XIRP2: variants seen among roughly 807,000 people sequenced by gnomAD.
XIRP2 encodes xin actin-binding repeat-containing protein 2.
Under a neutral mutation model 277.0 loss-of-function variants are expected in XIRP2, and 236 were observed. The ratio of observed to expected loss-of-function variants is 0.85; its 90% CI spans 0.77 to 0.95. The LOEUF (loss-of-function observed/expected upper bound fraction) is 0.95. XIRP2 is among the 40% of genes least tolerant of loss of function. The pLI is 0.00. For synonymous variants in XIRP2, 1,490 were observed against 1,416.5 expected (o/e 1.05, Z -1.17); for missense variants, 4,640 against 4,157.5 (o/e 1.12, Z -3.19).
chr2:167,025,666 A>G (rs534207675), intron 2 of XIRP2, among the ~76,000 whole-genome samples: 4,658 of 151,896 alleles, frequency 0.031, 82 homozygotes, highest in East Asian at 0.081. Context: ...CTTTGTTCTC[A>G]TTGGTTTCAA....
chr2:167,036,106 C>A (rs186676137), intron 2 of XIRP2, among the ~76,000 whole-genome samples: 3 of 152,316 alleles, frequency 2.0e-5, no homozygotes, highest in African/African-American at 7.2e-5. Flanking sequence ...GAGGCAGCGC[C>A]CTCATGGAGA....
intron 1 of XIRP2, among the ~76,000 whole-genome samples, chr2:166,893,469 T>C (rs1206954390): frequency 2.0e-5 from 3 of 152,174 alleles, no homozygotes; most frequent in Non-Finnish European, 2.9e-5. Context: ...TTATATCATA[T>C]ACTGATTTCA....
At chr2:167,012,721 A>T (rs112919829) in intron 2 of XIRP2, among the ~76,000 whole-genome samples, 2 of 151,584 alleles carry the variant, frequency 1.3e-5, no homozygotes, top group Admixed American at 6.6e-5. Context: ...CATTGAAATC[A>T]TATGCCTCTC....
chr2:166,975,819 G>T (rs1421688318), intron 2 of XIRP2, among the ~76,000 whole-genome samples: 10 of 150,850 alleles, frequency 6.6e-5, no homozygotes, highest in Admixed American at 6.6e-4. Context: ...CCAGCTACTC[G>T]GGAGGCTGAG....
chr2:167,025,952 C>G (rs1688142797), intron 2 of XIRP2, among the ~76,000 whole-genome samples: 1 of 152,062 alleles, frequency 6.6e-6, no homozygotes, highest in South Asian at 2.1e-4. Context: ...GTGGAGAGTT[C>G]TGTAAATGTC....
At chr2:167,205,657 G>T (rs986029298) in intron 3 of XIRP2, among the ~76,000 whole-genome samples, 1 of 152,018 alleles carries the variant, frequency 6.6e-6, no homozygotes, top group African/African-American at 2.4e-5. Flanking sequence ...GCATAGTAAT[G>T]ATGACTTTTC....
rs144667840 is a variant in XIRP2, at chr2:167,019,790, C to T, written c.408+115900C>T. Among the ~76,000 whole-genome samples the T allele has an allele frequency of 3.1e-3, 469 of 152,068 alleles. 6 individuals carry two copies. The highest frequency in any genetic ancestry group is 0.011 in the African/African-American group (438 of 41,518). On this transcript the variant is annotated intron_variant, in intron 2 of 10. Coordinates refer to ENST00000409195, the MANE Select transcript of XIRP2 (RefSeq NM_152381.6). ...ATATCAGTAAAAGAGATACACTCTT[C>T]GAGGGTTATAAATTCCTCAAGTTGT...
At chr2:166,910,207 C>CAAGGAGCTGAAT (rs1221775145) in intron 2 of XIRP2, among the ~76,000 whole-genome samples, 1 of 152,090 alleles carries the variant, frequency 6.6e-6, no homozygotes, top group Non-Finnish European at 1.5e-5. Context: ...CTCCTTGTAC[C>CAAGGAGCTGAAT]TCTGGTAGAA....
At chr2:167,150,351 G>A (rs1331885061) in intron 3 of XIRP2, among the ~76,000 whole-genome samples, 1 of 151,780 alleles carries the variant, frequency 6.6e-6, no homozygotes, top group African/African-American at 2.4e-5. Context: ...TTTTAACAGG[G>A]TTAATTAAAA....
intron 2 of XIRP2, among the ~76,000 whole-genome samples, chr2:166,981,428 T>TC (rs1434383871): frequency 6.9e-6 from 1 of 144,906 alleles, no homozygotes; most frequent in Non-Finnish European, 1.5e-5. Context: ...CTCTTCTTCT[T>TC]TTTTTTTTTT....
At chr2:167,056,161 G>A (rs1689031264) in intron 2 of XIRP2, among the ~76,000 whole-genome samples, 1 of 152,068 alleles carries the variant, frequency 6.6e-6, no homozygotes. Flanking sequence ...GTAAATGACA[G>A]CTAAGATGGC....
At chr2:167,183,536 C>T (rs7604418) in intron 3 of XIRP2, among the ~76,000 whole-genome samples, 15,027 of 152,124 alleles carry the variant, frequency 0.099, 800 homozygotes, top group South Asian at 0.16. Context: ...GTTAAATCTA[C>T]CATTGATTTC....
intron 3 of XIRP2, among the ~76,000 whole-genome samples, chr2:167,169,100 A>G (rs73970872): frequency 1.3e-5 from 2 of 152,118 alleles, no homozygotes; most frequent in Non-Finnish European, 2.9e-5. Flanking sequence ...CTTTAGTAGT[A>G]TAGTGGTAAG....
intron 2 of XIRP2, among the ~76,000 whole-genome samples, chr2:167,081,937 A>G (rs991140833): frequency 1.5e-5 from 1 of 67,160 alleles, no homozygotes. Flanking sequence ...CCACTTAACC[A>G]TGTATTTTCT....
intron 2 of XIRP2, among the ~76,000 whole-genome samples, chr2:167,028,568 A>T (rs1017729469): frequency 1.3e-5 from 2 of 152,072 alleles, no homozygotes; most frequent in Non-Finnish European, 2.9e-5. Flanking sequence ...AATTCCATTT[A>T]AATATTTGGG....
intron 2 of XIRP2, among the ~76,000 whole-genome samples, chr2:166,913,102 G>C (rs1684758132): frequency 6.6e-6 from 1 of 152,176 alleles, no homozygotes; most frequent in Admixed American, 6.5e-5. Context: ...CAAACTCCGT[G>C]CTGGGAGAAC....
intron 2 of XIRP2, among the ~76,000 whole-genome samples, chr2:167,082,863 G>T (rs1574235996): frequency 6.6e-6 from 1 of 152,056 alleles, no homozygotes; most frequent in South Asian, 2.1e-4. Flanking sequence ...AGATGAGTAG[G>T]TTGTGAACAT....
intron 2 of XIRP2, among the ~76,000 whole-genome samples, chr2:167,020,475 G>T (rs1362318161): frequency 6.6e-6 from 1 of 151,892 alleles, no homozygotes; most frequent in Non-Finnish European, 1.5e-5. Context: ...TATTGCATAT[G>T]CTATAAAACA....
Position 167,243,623 on chromosome 2 carries a change from T to A in XIRP2, c.2231T>A (p.Ile744Asn). Residue 744 changes from isoleucine to asparagine, a missense_variant, in exon 9 of 11, where the codon ATT (isoleucine) becomes AAT (asparagine). Transcript: ENST00000409195. Reference sequence around the variant, plus strand: ...TTCGAAACTCAACCATTATATGTTATTAGAGATGGTTCGGGCCAAATGCTG... The same window carrying A: ...TTCGAAACTCAACCATTATATGTTAATAGAGATGGTTCGGGCCAAATGCTG... ...KCFETQPLYV[I>N]RDGSGQMLEI... is the part of the protein sequence containing the mutation. 1 of 1,614,008 alleles carries A rather than the reference T, an allele frequency of 6.2e-7. No homozygotes were observed. The highest frequency in any genetic ancestry group is 8.5e-7 in the Non-Finnish European group (1 of 1,179,984).
Sources: allele counts gnomAD v4.1 joint callset (sites outside exome capture counted in the v4.1 genomes callset), GRCh38; gene constraint gnomAD v4.1.1; transcripts MANE v1.5; gene names NCBI Gene and HGNC (gene_info 2026-07-23, HGNC 2026-07-21).